Variants in IMMP2L observed in about 807,000 individuals in gnomAD.
The protein encoded by IMMP2L is inner mitochondrial membrane peptidase subunit 2, also known as mitochondrial inner membrane protease subunit 2.
In IMMP2L, 18 loss-of-function variants were observed where a neutral mutation model predicts 19.3. That is an observed-to-expected ratio of 0.93 (90% CI 0.64 to 1.38). IMMP2L has a LOEUF of 1.38. IMMP2L is among the 40% of genes most tolerant of loss of function. IMMP2L has a pLI of 0.00. For synonymous variants in IMMP2L, 76 were observed against 73.0 expected (o/e 1.04, Z -0.21); for missense variants, 233 against 218.2 (o/e 1.07, Z -0.43).
At chr7:111,552,487 T>C (rs4358745) in intron 1 of IMMP2L, among the ~76,000 whole-genome samples, 124,378 of 152,106 alleles carry the variant, frequency 0.82, 51,999 homozygotes, top group East Asian at 0.97. Flanking sequence ...AGAGTTTCAC[T>C]ATGTTGGCCA....
At chr7:110,704,595 G>A (rs1294581206) in intron 5 of IMMP2L, among the ~76,000 whole-genome samples, 5 of 152,184 alleles carry the variant, frequency 3.3e-5, no homozygotes, top group Admixed American at 6.5e-5. Flanking sequence ...AGACTGCATG[G>A]TAAGCTATTC....
intron 5 of IMMP2L, among the ~76,000 whole-genome samples, chr7:110,779,758 A>G (rs1799614844): frequency 6.6e-6 from 1 of 151,878 alleles, no homozygotes. Context: ...TACCCAGGTT[A>G]AAAGAGTTAA....
intron 3 of IMMP2L, among the ~76,000 whole-genome samples, chr7:111,249,807 A>T (rs1815865717): frequency 6.6e-6 from 1 of 152,186 alleles, no homozygotes. Context: ...CCAATATGAT[A>T]CTGAATGGGC....
In IMMP2L at chr7:111,514,865, A is replaced by G. The variant is rs375407154; in HGVS notation, c.135+6448T>C. The stretch of plus-strand genomic sequence containing the variant: ...TATGAGGATAAGGGTTTTTTTTAAC[A>G]TAACAGCAGTAAATACCATTATCAC... On this transcript the variant is annotated intron_variant, in intron 2 of 5. Transcript: ENST00000405709. Among the ~76,000 whole-genome samples the G allele has an allele frequency of 1.6e-4, 24 of 152,216 alleles. 2 individuals are homozygous for G. In the East Asian group the frequency reaches 2.3e-3, roughly 15 times the overall value.
intron 3 of IMMP2L, among the ~76,000 whole-genome samples, chr7:111,277,424 A>C (rs1819197845): frequency 6.6e-6 from 1 of 152,090 alleles, no homozygotes; most frequent in Non-Finnish European, 1.5e-5. Flanking sequence ...AATGACTATT[A>C]AAAAGTCTAA....
At chr7:110,919,817 T>C (rs908818334) in intron 4 of IMMP2L, among the ~76,000 whole-genome samples, 5 of 152,144 alleles carry the variant, frequency 3.3e-5, no homozygotes, top group Non-Finnish European at 7.4e-5. Context: ...GGTGTGTCTG[T>C]GAGGGTGTTG....
intron 5 of IMMP2L, among the ~76,000 whole-genome samples, chr7:110,868,777 C>T (rs1002165985): frequency 6.6e-6 from 1 of 152,078 alleles, no homozygotes; most frequent in Non-Finnish European, 1.5e-5. Flanking sequence ...TTTACACATA[C>T]AATTTTCCTT....
intron 2 of IMMP2L, among the ~76,000 whole-genome samples, chr7:111,499,981 A>G (rs1251072888): frequency 6.6e-6 from 1 of 152,168 alleles, no homozygotes; most frequent in African/African-American, 2.4e-5. Context: ...GCAGAGCACC[A>G]GGCACAAGCC....
At chr7:111,025,165 T>C (rs575668124) in intron 3 of IMMP2L, among the ~76,000 whole-genome samples, 1 of 152,240 alleles carries the variant, frequency 6.6e-6, no homozygotes, top group South Asian at 2.1e-4. Flanking sequence ...ACTTTGAACT[T>C]TGAACAAACC....
chr7:111,327,992 T>C (rs922474001), intron 3 of IMMP2L, among the ~76,000 whole-genome samples: 1 of 151,766 alleles, frequency 6.6e-6, no homozygotes, highest in African/African-American at 2.4e-5. Flanking sequence ...TAAAGTATTA[T>C]AAAGCAGCAT....
chr7:110,695,472 A>G (rs1024199397), intron 5 of IMMP2L, among the ~76,000 whole-genome samples: 2 of 152,150 alleles, frequency 1.3e-5, no homozygotes, highest in African/African-American at 4.8e-5. Context: ...GATTACAGGC[A>G]TGTAATCCAC....
intron 3 of IMMP2L, among the ~76,000 whole-genome samples, chr7:111,148,688 C>A (rs959054487): frequency 6.6e-6 from 1 of 151,864 alleles, no homozygotes; most frequent in African/African-American, 2.4e-5. Context: ...TACCTTTATT[C>A]ATTCTAAAAT....
chr7:111,273,245 C>G (rs1818669164), intron 3 of IMMP2L, among the ~76,000 whole-genome samples: 1 of 151,950 alleles, frequency 6.6e-6, no homozygotes, highest in African/African-American at 2.4e-5. Flanking sequence ...CCAATGCATT[C>G]CAGCCTGGGC....
intron 5 of IMMP2L, among the ~76,000 whole-genome samples, chr7:110,868,727 A>G (rs1048954213): frequency 2.6e-5 from 4 of 152,108 alleles, no homozygotes; most frequent in African/African-American, 4.8e-5. Context: ...GAATAATTGC[A>G]ATGGGAAGAA....
intron 3 of IMMP2L, among the ~76,000 whole-genome samples, chr7:111,482,693 TG>T (rs1842296385): frequency 6.6e-6 from 1 of 152,150 alleles, no homozygotes; most frequent in East Asian, 1.9e-4. Flanking sequence ...TCTGCCCCTG[TG>T]GTATCCACCT....
At position 110,976,027 on chromosome 7, in the gene IMMP2L, G is replaced by A. The variant is rs968174681; in HGVS notation, c.240-12462C>T. ...CTGATAGCAATGATTATCTAAATGTGAAAAATTAACCACAACACCAAAACA... is the reference window on the plus strand; with the variant it reads ...CTGATAGCAATGATTATCTAAATGTAAAAAATTAACCACAACACCAAAACA... On this transcript the variant is annotated intron_variant, in intron 3 of 5. Transcript: ENST00000405709. Among the ~76,000 whole-genome samples, 8 of 152,004 alleles carry A rather than the reference G, an allele frequency of 5.3e-5. No homozygotes were observed. The East Asian group carries it at 1.6e-3, about 29-fold the overall frequency.
At chr7:111,022,095 A>G (rs763744471) in intron 3 of IMMP2L, among the ~76,000 whole-genome samples, 14 of 152,296 alleles carry the variant, frequency 9.2e-5, no homozygotes, top group Admixed American at 3.9e-4. Flanking sequence ...AGAATCACCT[A>G]TGCTGAGCAT....
intron 5 of IMMP2L, among the ~76,000 whole-genome samples, chr7:110,686,107 C>T (rs921163988): frequency 2.6e-5 from 4 of 152,082 alleles, no homozygotes; most frequent in African/African-American, 9.7e-5. Flanking sequence ...GACAGAACTG[C>T]ATTCTTAAAA....
chr7:111,370,689 T>A (rs1251387344), intron 3 of IMMP2L, among the ~76,000 whole-genome samples: 1 of 151,916 alleles, frequency 6.6e-6, no homozygotes, highest in African/African-American at 2.4e-5. Context: ...ACTGAGTCAG[T>A]GAGCTTTAGT....
Sources: allele counts gnomAD v4.1 joint callset (sites outside exome capture counted in the v4.1 genomes callset), GRCh38; gene constraint gnomAD v4.1.1; transcripts MANE v1.5; gene names NCBI Gene and HGNC (gene_info 2026-07-23, HGNC 2026-07-21).